Variants in RPS6KB1 observed in about 807,000 individuals in gnomAD.
The protein encoded by RPS6KB1 is ribosomal protein S6 kinase B1, also known as ribosomal protein S6 kinase beta-1.
In RPS6KB1, 12 loss-of-function variants were observed where a neutral mutation model predicts 70.2. The observed-to-expected ratio is 0.17, with a 90% CI of 0.11 to 0.28. The LOEUF is 0.28. Ranked by LOEUF, RPS6KB1 falls within the 10% of genes least tolerant of loss-of-function variation. The pLI, the probability that RPS6KB1 is intolerant of heterozygous loss-of-function variation, is 1.00. For synonymous variants in RPS6KB1, 175 were observed against 211.2 expected, an observed-to-expected ratio of 0.83 and a Z score of 1.49; for missense variants, 270 against 646.6, an observed-to-expected ratio of 0.42 and a Z score of 6.32.
At chr17:59,898,819 C>A (rs941347767) in intron 1 of RPS6KB1, among the ~76,000 whole-genome samples, 2 of 151,938 alleles carry the variant, frequency 1.3e-5, no homozygotes, top group African/African-American at 4.8e-5. Context: ...CTTCCATTTC[C>A]TCTAAGTTAC....
chr17:59,925,503 A>G (rs2043552956), intron 4 of RPS6KB1, among the ~76,000 whole-genome samples: 2 of 151,612 alleles, frequency 1.3e-5, no homozygotes, highest in Admixed American at 6.6e-5. Context: ...ATTTTTTTCT[A>G]TCTTCATTTT....
intron 4 of RPS6KB1, among the ~76,000 whole-genome samples, chr17:59,924,539 T>C (rs1280245754): frequency 3.9e-5 from 6 of 151,944 alleles, no homozygotes; most frequent in Non-Finnish European, 7.4e-5. Context: ...ATTACAGTAA[T>C]ATTTGATTTA....
intron 3 of RPS6KB1, chr17:59,913,606 TAACAA>T (rs1335937928): frequency 6.6e-6 from 1 of 152,194 alleles, no homozygotes; most frequent in Non-Finnish European, 1.5e-5. Flanking sequence ...CCTTTGCAGA[TAACAA>T]AATCTGCCGA....
intron 13 of RPS6KB1, among the ~76,000 whole-genome samples, chr17:59,944,502 T>C (rs1038324015): frequency 1.3e-5 from 2 of 152,094 alleles, no homozygotes; most frequent in African/African-American, 4.8e-5. Flanking sequence ...GGAGAATAGC[T>C]TGGGTCCAGG....
rs1461932781 is a variant in RPS6KB1, at chr17:59,948,885, T to G, written c.*2097T>G. ...ATTATTTCAGACTGTAAATGGCTTG[T>G]GATACTCTTGATACTTGTTTTCAAA... On this transcript the variant is annotated 3_prime_UTR_variant, in exon 15 of 15. Coordinates refer to ENST00000225577, the MANE Select transcript of RPS6KB1 (RefSeq NM_003161.4). The G allele has an allele frequency of 6.6e-6, 1 of 152,626 alleles. No individual in the cohort carries two copies. The highest frequency in any genetic ancestry group is 2.4e-5 in the African/African-American group (1 of 41,460). The allele number at this position is 152,626 out of a possible 1,614,324, so 9.5% of individuals were successfully genotyped here.
At chr17:59,926,829 A>G (rs1272639477) in intron 5 of RPS6KB1, among the ~76,000 whole-genome samples, 1 of 152,156 alleles carries the variant, frequency 6.6e-6, no homozygotes, top group Admixed American at 6.6e-5. Context: ...TCACTCACTT[A>G]ACAGAAAAAC....
At chr17:59,915,454 A>G (rs931236129) in intron 4 of RPS6KB1, among the ~76,000 whole-genome samples, 6 of 151,782 alleles carry the variant, frequency 4.0e-5, no homozygotes, top group Non-Finnish European at 8.8e-5. Context: ...TTTCTAAGTA[A>G]TAAGCATGTA....
chr17:59,914,919 A>T (rs2042852149), intron 4 of RPS6KB1, among the ~76,000 whole-genome samples: 1 of 152,122 alleles, frequency 6.6e-6, no homozygotes, highest in African/African-American at 2.4e-5. Context: ...GCTTGAACTT[A>T]GGAGTTCAAG....
At chr17:59,940,704 G>T (rs2044525824) in intron 12 of RPS6KB1, 132 bp from the exon 13 acceptor site, 3 of 463,578 alleles carry the variant, frequency 6.5e-6, no homozygotes, top group African/African-American at 4.0e-5. Context: ...TCTTCATTCT[G>T]TGCCTGCTAA....
At chr17:59,914,987 C>A (rs557647044) in intron 4 of RPS6KB1, among the ~76,000 whole-genome samples, 6,344 of 150,856 alleles carry the variant, frequency 0.042, 466 homozygotes, top group African/African-American at 0.15. Flanking sequence ...TATTTATTTT[C>A]TTTTCTTTTT....
chr17:59,943,873 CAAAA>C (rs61529575), intron 13 of RPS6KB1, among the ~76,000 whole-genome samples: 1 of 99,278 alleles, frequency 1.0e-5, no homozygotes. Flanking sequence ...GAATCCATCT[CAAAA>C]AAAAAAAAAA....
Position 59,910,599 on chromosome 17 carries a change from G to C in RPS6KB1, c.179G>C (p.Gly60Ala). 6.3e-7 allele frequency: 1 copy of C among 1,588,558 alleles called. No homozygotes were observed. Among genetic ancestry groups the C allele is most frequent in the Non-Finnish European group, 8.6e-7 (1 of 1,164,398 alleles). Residue 60 changes from glycine (G) to alanine (A), a missense_variant, in exon 2 of 15, where the codon GGA (glycine) becomes GCA (alanine). This residue lies in a region of RPS6KB1 where 72 missense variants were observed against 93.4 expected (regional missense o/e 0.77). Transcript: ENST00000225577. ...LNESMDHGGV[G>A]PYELGMEHCE... ...GAAAGCATGGACCATGGGGGAGTTG[G>C]ACCATATGAACTGTAAGTTTATATG...
Position 59,946,716 on chromosome 17 carries a change from C to T in RPS6KB1, c.1506C>T (p.Asn502=). The T allele has an allele frequency of 6.2e-7, 1 of 1,614,164 alleles. No homozygotes were observed. Among genetic ancestry groups the T allele is most frequent in the Non-Finnish European group, 8.5e-7 (1 of 1,180,020 alleles). ...ASAPLPIRQP[N]SGPYKKQAFP... ...CACCACTTCCAATACGACAGCCGAA[C>T]TCTGGGCCATACAAAAAACAAGCTT... The change falls in exon 15 of 15, where the codon AAC becomes AAT. Residue 502 remains asparagine (N), a synonymous_variant. Transcript: ENST00000225577. This position sits in a 1 kb window ranked among gnomAD's most constrained non-coding sequence, Gnocchi z 4.2.
intron 4 of RPS6KB1, among the ~76,000 whole-genome samples, chr17:59,916,590 A>G (rs2042976818): frequency 6.6e-6 from 1 of 152,096 alleles, no homozygotes; most frequent in African/African-American, 2.4e-5. Flanking sequence ...TATCAGTTCC[A>G]TTTATTTCCC....
chr17:59,920,233 G>C (rs772653623), intron 4 of RPS6KB1, among the ~76,000 whole-genome samples: 10 of 152,066 alleles, frequency 6.6e-5, no homozygotes, highest in Non-Finnish European at 1.2e-4. Context: ...GGCCAGGCTG[G>C]TCTCGAACTC....
chr17:59,918,798 T>C (rs973302436), intron 4 of RPS6KB1, among the ~76,000 whole-genome samples: 5 of 152,076 alleles, frequency 3.3e-5, no homozygotes, highest in Admixed American at 6.6e-5. Context: ...AGAGGCCTTC[T>C]TTAGATGTCT....
intron 13 of RPS6KB1, among the ~76,000 whole-genome samples, chr17:59,943,274 AT>A (rs1295197570): frequency 6.6e-6 from 1 of 151,856 alleles, no homozygotes; most frequent in Admixed American, 6.6e-5. Flanking sequence ...TAATTTTGGC[AT>A]TTTTTTTCTC....
At chr17:59,944,069 C>G (rs988482625) in intron 13 of RPS6KB1, among the ~76,000 whole-genome samples, 9 of 152,090 alleles carry the variant, frequency 5.9e-5, no homozygotes, top group African/African-American at 2.2e-4. Flanking sequence ...TAAGGCACAG[C>G]CTGTACCTCT....
intron 1 of RPS6KB1, among the ~76,000 whole-genome samples, chr17:59,901,138 G>A (rs940736104): frequency 2.6e-5 from 4 of 151,200 alleles, no homozygotes; most frequent in Non-Finnish European, 5.9e-5. Flanking sequence ...TCCAGCCTGG[G>A]CAACAGAGTG....
Sources: gnomAD v4.1 joint callset for allele counts (sites outside exome capture counted in the v4.1 genomes callset) on GRCh38, gnomAD v4.1.1 for gene constraint, gnomAD v4.1.1 regional missense constraint, Gnocchi (gnomAD v3.1) non-coding constraint, MANE v1.5 for transcripts, NCBI Gene and HGNC (gene_info 2026-07-23, HGNC 2026-07-21) for gene names.